The following ST6GALNAC5 variants were observed in gnomAD, a reference collection of about 807,000 sequenced individuals.
ST6GALNAC5 encodes alpha-N-acetylgalactosaminide alpha-2,6-sialyltransferase 5.
ST6GALNAC5 carries 27 observed loss-of-function variants against 33.6 expected under a neutral mutation model. The observed-to-expected ratio is 0.80, with a 90% CI of 0.59 to 1.11. The LOEUF is 1.11. Among genes scored for constraint, ST6GALNAC5 ranks in the 50% least tolerant of loss-of-function variants. The pLI is 0.00. For synonymous variants in ST6GALNAC5, 194 were observed against 171.2 expected, an observed-to-expected ratio of 1.13 and a Z score of -1.04; for missense variants, 428 against 454.0, an observed-to-expected ratio of 0.94 and a Z score of 0.52.
chr1:76,923,231 CTAAT>C (rs1221496730), intron 2 of ST6GALNAC5, among the ~76,000 whole-genome samples: 8 of 149,664 alleles, frequency 5.3e-5, no homozygotes, highest in Non-Finnish European at 1.0e-4. Flanking sequence ...GCATGTAAGT[CTAAT>C]TATTGCAAAA....
chr1:77,060,594 C>T (rs1652543415), intron 4 of ST6GALNAC5, among the ~76,000 whole-genome samples: 1 of 152,128 alleles, frequency 6.6e-6, no homozygotes, highest in Non-Finnish European at 1.5e-5. Flanking sequence ...GTGGAAACAA[C>T]TCGCTTACAT....
At chr1:76,891,962 AC>A (rs1654022558) in intron 2 of ST6GALNAC5, among the ~76,000 whole-genome samples, 1 of 152,212 alleles carries the variant, frequency 6.6e-6, no homozygotes, top group South Asian at 2.1e-4. Context: ...CAAGCTTAAG[AC>A]TAGCATGGAA....
At position 76,991,839 on chromosome 1, in the gene ST6GALNAC5, G is replaced by GCACA. The variant is rs4032991; in HGVS notation, c.262-52342_262-52339dup. Among the ~76,000 whole-genome samples the GCACA allele has an allele frequency of 2.9e-3, 429 of 149,446 alleles. 3 individuals are homozygous for GCACA. Among genetic ancestry groups the GCACA allele is most frequent in the African/African-American group, 7.5e-3 (307 of 41,110 alleles). On this transcript the variant is annotated intron_variant, in intron 2 of 4. Transcript: ENST00000477717. ...ACAACCTTCTAACTCACGCGTGTGC[G>GCACA]CACACACACACACACACACACACAC...
chr1:77,025,675 G>T (rs1457337350), intron 2 of ST6GALNAC5, among the ~76,000 whole-genome samples: 1 of 152,172 alleles, frequency 6.6e-6, no homozygotes, highest in Non-Finnish European at 1.5e-5. Flanking sequence ...TGGTAAGGAT[G>T]CTTGGAAGAA....
At chr1:76,955,120 G>T (rs1271797718) in intron 2 of ST6GALNAC5, among the ~76,000 whole-genome samples, 1 of 152,112 alleles carries the variant, frequency 6.6e-6, no homozygotes, top group African/African-American at 2.4e-5. Flanking sequence ...AAAAAAAGCA[G>T]ATGTAGTGGT....
chr1:76,886,005 G>A (rs1481532602), intron 2 of ST6GALNAC5, among the ~76,000 whole-genome samples: 5 of 152,222 alleles, frequency 3.3e-5, no homozygotes, highest in Non-Finnish European at 5.9e-5. Flanking sequence ...CATGGGCAGT[G>A]GGGCAGTCCT....
At position 76,867,619 on chromosome 1, in the gene ST6GALNAC5, GA is replaced by G; in HGVS notation, c.-52del. The G allele has an allele frequency of 6.2e-7, 1 of 1,614,064 alleles. No individual in the cohort carries two copies. Among genetic ancestry groups the G allele is most frequent in the Non-Finnish European group, 8.5e-7 (1 of 1,179,956 alleles). ...ATTACCCATCATGGAAACCCTCCAG[GA>G]AAAAGTGGCCCCGGACGCGCGAGCC... On this transcript the variant is annotated 5_prime_UTR_variant, in exon 1 of 5. The change abolishes the stop of an existing upstream ORF in the 5' untranslated region. Transcript: ENST00000477717.
At chr1:76,999,640 C>G (rs932765174) in intron 2 of ST6GALNAC5, among the ~76,000 whole-genome samples, 1 of 150,838 alleles carries the variant, frequency 6.6e-6, no homozygotes, top group Non-Finnish European at 1.5e-5. Flanking sequence ...TCCCTCCCCC[C>G]TGCCCCCACC....
intron 2 of ST6GALNAC5, among the ~76,000 whole-genome samples, chr1:76,872,546 T>C (rs1653535013): frequency 6.6e-6 from 1 of 152,300 alleles, no homozygotes; most frequent in South Asian, 2.1e-4. Flanking sequence ...AACTGGTAAC[T>C]ATCTGGTTGG....
chr1:76,911,362 T>C (rs1646909643), intron 2 of ST6GALNAC5, among the ~76,000 whole-genome samples: 1 of 152,166 alleles, frequency 6.6e-6, no homozygotes, highest in African/African-American at 2.4e-5. Context: ...TTATTGAGGA[T>C]TTTTGCATCA....
At chr1:76,937,750 TTTC>T (rs2100320534) in intron 2 of ST6GALNAC5, among the ~76,000 whole-genome samples, 1 of 152,066 alleles carries the variant, frequency 6.6e-6, no homozygotes, top group East Asian at 1.9e-4. Flanking sequence ...AAGAAACACT[TTTC>T]TTTTCCTCTG....
chr1:76,925,618 G>A (rs553286728), intron 2 of ST6GALNAC5, among the ~76,000 whole-genome samples: 91 of 152,168 alleles, frequency 6.0e-4, no homozygotes, highest in East Asian at 3.3e-3. Flanking sequence ...GAAGAGAAGC[G>A]ATAAGAAGAT....
At chr1:76,938,677 G>A (rs1319952332) in intron 2 of ST6GALNAC5, among the ~76,000 whole-genome samples, 1 of 152,030 alleles carries the variant, frequency 6.6e-6, no homozygotes, top group Non-Finnish European at 1.5e-5. Flanking sequence ...TATCTCTACT[G>A]TAGTAGTTTC....
At chr1:76,989,677 G>A (rs573840260) in intron 2 of ST6GALNAC5, among the ~76,000 whole-genome samples, 6 of 152,058 alleles carry the variant, frequency 3.9e-5, no homozygotes, top group African/African-American at 1.4e-4. Flanking sequence ...CCAGTGCAAA[G>A]GTTCTTCTTT....
At chr1:76,951,464 G>T (rs1317019313) in intron 2 of ST6GALNAC5, among the ~76,000 whole-genome samples, 1 of 152,022 alleles carries the variant, frequency 6.6e-6, no homozygotes, top group East Asian at 1.9e-4. Flanking sequence ...TCACACACTG[G>T]GGCCTGTTTT....
At chr1:76,908,144 G>A (rs1029563586) in intron 2 of ST6GALNAC5, among the ~76,000 whole-genome samples, 11 of 151,886 alleles carry the variant, frequency 7.2e-5, no homozygotes, top group African/African-American at 2.7e-4. Flanking sequence ...TATTTTTGTT[G>A]TGCTCTCTGT....
intron 4 of ST6GALNAC5, among the ~76,000 whole-genome samples, chr1:77,059,421 C>T (rs1475313668): frequency 1.3e-5 from 2 of 152,126 alleles, no homozygotes; most frequent in East Asian, 3.9e-4. Context: ...GAATGTCCTT[C>T]ACTTGGGGTT....
intron 2 of ST6GALNAC5, among the ~76,000 whole-genome samples, chr1:76,949,179 A>C (rs1049235675): frequency 6.6e-6 from 1 of 152,186 alleles, no homozygotes; most frequent in Non-Finnish European, 1.5e-5. Flanking sequence ...GAGTAATCAC[A>C]TCCAAGATGG....
intron 4 of ST6GALNAC5, among the ~76,000 whole-genome samples, chr1:77,061,903 A>G (rs1214735376): frequency 6.6e-6 from 1 of 152,178 alleles, no homozygotes; most frequent in Admixed American, 6.5e-5. Context: ...AGGCCACCAA[A>G]CAAGGACTGA....
Sources: allele counts gnomAD v4.1 joint callset (sites outside exome capture counted in the v4.1 genomes callset), GRCh38; gene constraint gnomAD v4.1.1; transcripts MANE v1.5; gene names NCBI Gene and HGNC (gene_info 2026-07-23, HGNC 2026-07-21).